Variants in HACE1 observed in about 807,000 individuals in gnomAD.
HACE1 encodes HECT domain and ankyrin repeat containing E3 ubiquitin protein ligase 1.
In HACE1, 73 loss-of-function variants were observed where a neutral mutation model predicts 118.4. The ratio of observed to expected loss-of-function variants is 0.62; its 90% CI spans 0.51 to 0.75. The LOEUF (loss-of-function observed/expected upper bound fraction) is 0.75. HACE1 is among the 30% of genes least tolerant of loss of function. The probability of loss-of-function intolerance (pLI) is 0.00; values close to 1 mark genes in which losing one functional copy is unlikely to be tolerated. For missense variants in HACE1, 749 were observed against 1,102.2 expected (o/e 0.68, Z 4.54); for synonymous variants, 368 against 374.8 (o/e 0.98, Z 0.21).
In HACE1 at chr6:104,750,173, T is replaced by G. The variant is rs528599490; in HGVS notation, c.2343+168A>C. Among the ~76,000 whole-genome samples the G allele has an allele frequency of 2.0e-5, 3 of 152,328 alleles. No individual in the cohort carries two copies. The South Asian group carries it at 6.2e-4, about 32-fold the overall frequency. ...TTATCTGGTTATTAAGCTTAAGAGA[T>G]GCTCATCCATAAATTTTATATCAAA... On this transcript the variant is annotated intron_variant, in intron 20 of 23. Coordinates refer to ENST00000262903, the MANE Select transcript of HACE1 (RefSeq NM_020771.4).
intron 17 of HACE1, 23 bp from the exon 18 acceptor site, chr6:104,772,097 ATATAT>A (rs776776917): frequency 7.8e-7 from 1 of 1,288,764 alleles, no homozygotes; most frequent in African/African-American, 1.5e-5. Context: ...ATACAAAATA[ATATAT>A]TATTAAGAAT....
intron 11 of HACE1, among the ~76,000 whole-genome samples, chr6:104,790,493 C>T (rs759561403): frequency 2.6e-5 from 4 of 152,244 alleles, no homozygotes; most frequent in Non-Finnish European, 4.4e-5. Flanking sequence ...TGGCTCACGC[C>T]TGCAATCCCA....
At chr6:104,758,623 A>G (rs1395516591) in intron 19 of HACE1, among the ~76,000 whole-genome samples, 1 of 152,222 alleles carries the variant, frequency 6.6e-6, no homozygotes, top group Non-Finnish European at 1.5e-5. Context: ...CATCGACGCT[A>G]TGAAGAAACT....
At chr6:104,757,016 T>C (rs963490881) in intron 19 of HACE1, among the ~76,000 whole-genome samples, 1 of 152,066 alleles carries the variant, frequency 6.6e-6, no homozygotes, top group South Asian at 2.1e-4. Context: ...TTGCTGAGGC[T>C]TGAGTAGGAG....
chr6:104,791,196 G>A (rs1782984187), intron 11 of HACE1, among the ~76,000 whole-genome samples: 1 of 152,004 alleles, frequency 6.6e-6, no homozygotes, highest in South Asian at 2.1e-4. Flanking sequence ...CAAAAGCATG[G>A]TGGCTGCATA....
At chr6:104,743,296 A>T (rs1777023291) in intron 22 of HACE1, among the ~76,000 whole-genome samples, 6 of 150,540 alleles carry the variant, frequency 4.0e-5, no homozygotes, top group Admixed American at 2.7e-4. Context: ...CATGTACCCT[A>T]AAACTTAAAG....
At chr6:104,776,394 A>C (rs566361318) in intron 17 of HACE1, among the ~76,000 whole-genome samples, 5 of 152,348 alleles carry the variant, frequency 3.3e-5, no homozygotes, top group Non-Finnish European at 7.3e-5. Context: ...TTTAATTCAA[A>C]AAATGTAGAC....
intron 1 of HACE1, among the ~76,000 whole-genome samples, chr6:104,855,500 A>G (rs1776633384): frequency 6.6e-6 from 1 of 152,104 alleles, no homozygotes; most frequent in Non-Finnish European, 1.5e-5. Context: ...CCTACAATGC[A>G]CCCAGTATAT....
Position 104,730,349 on chromosome 6 carries a change from C to T in HACE1, c.2581G>A (p.Ala861Thr), listed in dbSNP as rs377672261. 1.6e-5 allele frequency: 26 copies of T among 1,600,994 alleles called. No homozygotes were observed. The highest frequency in any genetic ancestry group is 1.6e-4 in the East Asian group (7 of 44,822). ...AGATTTGGAGTATATGGCACAGCAG[C>T]GATTGTAAAGTTTTGCAATCCACTT... is the stretch of plus-strand genomic sequence containing the variant. ...GGSGLQNFTI[A>T]AVPYTPNLLP... Residue 861 changes from alanine (A) to threonine (T), a missense_variant, in exon 23 of 24, where the codon GCT becomes ACT. Transcript: ENST00000262903.
chr6:104,840,030 G>A (rs1377086140), intron 5 of HACE1, among the ~76,000 whole-genome samples: 1 of 151,956 alleles, frequency 6.6e-6, no homozygotes, highest in Non-Finnish European at 1.5e-5. Flanking sequence ...AAATAAAACT[G>A]AGGAAATCTC....
chr6:104,830,169 T>A (rs1475394524), intron 6 of HACE1, among the ~76,000 whole-genome samples: 1 of 152,200 alleles, frequency 6.6e-6, no homozygotes, highest in Admixed American at 6.5e-5. Flanking sequence ...AAAGGGTGTT[T>A]ATATTAAAGC....
At chr6:104,734,105 T>C (rs1484844043) in intron 22 of HACE1, among the ~76,000 whole-genome samples, 1 of 127,448 alleles carries the variant, frequency 7.8e-6, no homozygotes, top group African/African-American at 3.2e-5. Context: ...GTGAGCCGAG[T>C]GAGATCCAGC....
At chr6:104,823,758 T>TA (rs879879893) in intron 6 of HACE1, among the ~76,000 whole-genome samples, 289 of 142,404 alleles carry the variant, frequency 2.0e-3, no homozygotes, top group Middle Eastern at 0.014. Flanking sequence ...CTTTGTGAAT[T>TA]AAAAAAAAAA....
At chr6:104,843,867 A>G (rs565020315) in intron 4 of HACE1, among the ~76,000 whole-genome samples, 10 of 151,432 alleles carry the variant, frequency 6.6e-5, no homozygotes, top group South Asian at 2.1e-4. Context: ...ATTTGCCATC[A>G]TAACTTTTTT....
intron 14 of HACE1, among the ~76,000 whole-genome samples, chr6:104,780,873 C>T (rs1045785800): frequency 6.6e-6 from 1 of 152,088 alleles, no homozygotes; most frequent in Non-Finnish European, 1.5e-5. Context: ...TTTTCATAAC[C>T]TTGATAGTTT....
chr6:104,850,220 G>C (rs1221305804), intron 3 of HACE1, among the ~76,000 whole-genome samples: 5 of 152,154 alleles, frequency 3.3e-5, no homozygotes, highest in African/African-American at 9.7e-5. Flanking sequence ...AAAGTGCTGG[G>C]ATTACAGGTG....
At chr6:104,820,113 T>C (rs1017752871) in intron 6 of HACE1, among the ~76,000 whole-genome samples, 1 of 149,962 alleles carries the variant, frequency 6.7e-6, no homozygotes, top group Admixed American at 6.7e-5. Flanking sequence ...AAAAATCGCT[T>C]GAACCCGGGA....
chr6:104,737,667 C>T (rs558645838), intron 22 of HACE1, among the ~76,000 whole-genome samples: 3 of 152,294 alleles, frequency 2.0e-5, no homozygotes, highest in Admixed American at 1.3e-4. Context: ...GCACCTGGCT[C>T]GGAGGGTCCT....
intron 19 of HACE1, among the ~76,000 whole-genome samples, chr6:104,763,593 TAA>T (rs1026850387): frequency 7.1e-6 from 1 of 141,250 alleles, no homozygotes. Flanking sequence ...ACTTAATGGT[TAA>T]AAAAAAAAAA....
Sources: gnomAD v4.1 joint callset for allele counts (sites outside exome capture counted in the v4.1 genomes callset) on GRCh38, gnomAD v4.1.1 for gene constraint, MANE v1.5 for transcripts, NCBI Gene and HGNC (gene_info 2026-07-23, HGNC 2026-07-21) for gene names.